CEBPZ: variants seen among roughly 807,000 people sequenced by gnomAD.
CEBPZ encodes the protein CCAAT enhancer binding protein zeta, also known as CCAAT/enhancer-binding protein zeta.
CEBPZ carries 78 observed loss-of-function variants against 104.5 expected under a neutral mutation model. That is an observed-to-expected ratio of 0.75 (90% CI 0.62 to 0.90). CEBPZ has a LOEUF of 0.90. CEBPZ is among the 40% of genes least tolerant of loss of function. CEBPZ has a pLI of 0.00. For missense variants in CEBPZ, 1,439 were observed against 1,233.5 expected (o/e 1.17, Z -2.50); for synonymous variants, 470 against 427.0 (o/e 1.10, Z -1.24).
At position 37,222,427 on chromosome 2, in the gene CEBPZ, G is replaced by T. The variant is rs267599369; in HGVS notation, c.2018C>A (p.Thr673Asn). Residue 673 changes from threonine (T) to asparagine (N), a missense_variant, in exon 4 of 16, where the codon ACC (threonine) becomes AAC (asparagine). Transcript: ENST00000234170. ...EETVPETDVE[T>N]KKPEVASWVH... is the part of the protein sequence containing the mutation. The stretch of plus-strand genomic sequence containing the variant: ...CCAGGAAGCAACCTCTGGTTTTTTG[G>T]TTTCTACATCAGTTTCAGGAACTGT... 11 of 1,597,618 alleles carry T rather than the reference G, an allele frequency of 6.9e-6. No individual in the cohort carries two copies. Among genetic ancestry groups the T allele is most frequent in the Non-Finnish European group, 9.4e-6 (11 of 1,174,732 alleles).
chr2:37,212,133 CAGA>C (rs2148349017), intron 11 of CEBPZ, 94 bp from the exon 12 acceptor site: 32 of 1,164,422 alleles, frequency 2.7e-5, no homozygotes, highest in East Asian at 4.7e-5. Flanking sequence ...TTAAATGACT[CAGA>C]AGGAGAAAGC....
intron 10 of CEBPZ, among the ~76,000 whole-genome samples, chr2:37,213,087 T>A (rs1677779215): frequency 6.6e-6 from 1 of 151,892 alleles, no homozygotes; most frequent in South Asian, 2.1e-4. Context: ...AACAAAAAAA[T>A]ATGTAACGTG....
At chr2:37,210,808 T>C in intron 13 of CEBPZ, 191 bp downstream of exon 13, 1 of 483,282 alleles carries the variant, frequency 2.1e-6, no homozygotes, top group Non-Finnish European at 3.7e-6. Context: ...GAAAAGATGA[T>C]CCAGAGATAT....
chr2:37,220,352 A>G (rs779183993), intron 5 of CEBPZ, 33 bp downstream of exon 5: 2 of 1,022,948 alleles, frequency 2.0e-6, no homozygotes, highest in South Asian at 3.2e-5. Context: ...TATATAGCAT[A>G]AATGAATAAA....
At chr2:37,214,598 A>C (rs1221420002) in intron 9 of CEBPZ, among the ~76,000 whole-genome samples, 1 of 152,144 alleles carries the variant, frequency 6.6e-6, no homozygotes, top group Non-Finnish European at 1.5e-5. Flanking sequence ...AAACTCCCAA[A>C]TTTACTTTAG....
At chr2:37,220,739 A>T (rs1183142491) in intron 4 of CEBPZ, among the ~76,000 whole-genome samples, 1 of 152,088 alleles carries the variant, frequency 6.6e-6, no homozygotes, top group Non-Finnish European at 1.5e-5. Flanking sequence ...ACCTGTAATC[A>T]CAGCACTTAG....
intron 13 of CEBPZ, among the ~76,000 whole-genome samples, chr2:37,208,689 C>T (rs1462688700): frequency 1.3e-5 from 2 of 152,096 alleles, no homozygotes; most frequent in Admixed American, 6.5e-5. Flanking sequence ...CAACATTATA[C>T]TGAACAGGGA....
chr2:37,203,226 C>A (rs1677366812), intron 13 of CEBPZ: 1 of 329,862 alleles, frequency 3.0e-6, no homozygotes. Flanking sequence ...GTTCAGATGA[C>A]AAGAGTGTCT....
intron 5 of CEBPZ, 140 bp from the exon 6 acceptor site, chr2:37,217,177 T>G: frequency 1.6e-6 from 1 of 644,674 alleles, no homozygotes; most frequent in Non-Finnish European, 2.7e-6. Flanking sequence ...GCAGGCAGAT[T>G]GCTTGAGCCC....
At chr2:37,231,356 G>GC (rs1665090380) in intron 1 of CEBPZ, 56 bp downstream of exon 1, 1 of 1,607,216 alleles carries the variant, frequency 6.2e-7, no homozygotes, top group Non-Finnish European at 8.5e-7. Flanking sequence ...AGTCAGCCTA[G>GC]CCACCTTCGG....
chr2:37,201,673 G>T lies in CEBPZ; in HGVS notation c.*91C>A. 3 of 807,380 alleles carry T rather than the reference G, an allele frequency of 3.7e-6. No homozygotes were observed. The highest frequency in any genetic ancestry group is 6.4e-6 in the Non-Finnish European group (3 of 467,726). The allele number at this position is 807,380 out of a possible 1,614,324, so 50.0% of individuals were successfully genotyped here. A position where few individuals can be genotyped will look rare whatever the true frequency, so the allele number is the denominator to read the frequency against. On this transcript the variant is annotated 3_prime_UTR_variant, in exon 16 of 16. Coordinates refer to ENST00000234170, the MANE Select transcript of CEBPZ (RefSeq NM_005760.3). ...ACAAATCCACTGAGAAGTCTGGAAT[G>T]TATGGAATCAGAGAGCTAGATCAAA...
Position 37,227,738 on chromosome 2 carries a change from G to A in CEBPZ, c.1455C>T (p.Ala485=), listed in dbSNP as rs766442127. ...KKDVESKMLS[A]LLTGVNRAYP... ...ATGCCCTATTCACACCTGTTAAAAGGGCGCTAAGCATTTTTGATTCAACAT... is the reference window on the plus strand; with the variant it reads ...ATGCCCTATTCACACCTGTTAAAAGAGCGCTAAGCATTTTTGATTCAACAT... Residue 485 remains alanine (A), a synonymous_variant, in exon 2 of 16, where the codon GCC becomes GCT. Transcript: ENST00000234170. 1.9e-6 allele frequency: 3 copies of A among 1,613,876 alleles called. No homozygotes were observed. The highest frequency in any genetic ancestry group is 2.2e-5 in the South Asian group (2 of 91,030).
rs1677341330 is a variant in CEBPZ, at chr2:37,202,840, A to G, written c.2969T>C (p.Met990Thr). The G allele has an allele frequency of 1.9e-6, 3 of 1,602,550 alleles. No individual in the cohort carries two copies. The highest frequency in any genetic ancestry group is 1.7e-5 in the Admixed American group (1 of 58,384). Residue 990 changes from methionine (M) to threonine (T), a missense_variant, in exon 15 of 16, where the codon ATG becomes ACG. Coordinates refer to ENST00000234170, the MANE Select transcript of CEBPZ (RefSeq NM_005760.3). ...GCCAATGTTATCAAACTTGGATCCC[A>G]TATTTTCATCCAATAGATGGCCAAA... is the stretch of plus-strand genomic sequence containing the variant. Reference protein sequence around the residue: ...EEFGHLLDENMGSKFDNIGMN... With the variant: ...EEFGHLLDENTGSKFDNIGMN...
chr2:37,230,658 G>A (rs1665045158), intron 1 of CEBPZ, among the ~76,000 whole-genome samples: 1 of 152,126 alleles, frequency 6.6e-6, no homozygotes, highest in Non-Finnish European at 1.5e-5. Context: ...GCAAAAGCCT[G>A]CCCTCTGACC....
chr2:37,202,838 C>T lies in CEBPZ; in HGVS notation c.2971G>A (p.Gly991Arg). Residue 991 changes from glycine to arginine, a missense_variant, in exon 15 of 16, where the codon GGA becomes AGA. By Grantham distance (125) the Gly-to-Arg change is moderately radical. Coordinates refer to ENST00000234170, the MANE Select transcript of CEBPZ (RefSeq NM_005760.3). ...EFGHLLDENM[G>R]SKFDNIGMNA... The stretch of plus-strand genomic sequence containing the variant: ...ATGCCAATGTTATCAAACTTGGATC[C>T]CATATTTTCATCCAATAGATGGCCA... 6.2e-7 allele frequency: 1 copy of T among 1,600,918 alleles called. No homozygotes were observed. The highest frequency in any genetic ancestry group is 8.5e-7 in the Non-Finnish European group (1 of 1,174,114).
chr2:37,208,493 C>A (rs148602593), intron 13 of CEBPZ, among the ~76,000 whole-genome samples: 1 of 152,018 alleles, frequency 6.6e-6, no homozygotes, highest in South Asian at 2.1e-4. Context: ...GTTTAACATA[C>A]GCAAGTCAAT....
Position 37,227,592 on chromosome 2 carries a change from A to G in CEBPZ, c.1601T>C (p.Met534Thr), listed in dbSNP as rs2148363077. The G allele has an allele frequency of 1.2e-6, 2 of 1,613,906 alleles. No homozygotes were observed. Among genetic ancestry groups the G allele is most frequent in the East Asian group, 2.2e-5 (1 of 44,878 alleles). The change falls in exon 2 of 16, where the codon ATG becomes ACG. Residue 534 changes from methionine to threonine, a missense_variant. Transcript: ENST00000234170. The stretch of plus-strand genomic sequence containing the variant: ...ATCCGATATTGTCTGCTGAGAATTC[A>G]TTACTTGGAAAAGCAACATTAAAGC... ...VQALMLLFQV[M>T]NSQQTISDRY...
intron 10 of CEBPZ, 79 bp downstream of exon 10, chr2:37,213,785 C>G: frequency 1.1e-6 from 1 of 902,236 alleles, no homozygotes; most frequent in South Asian, 1.5e-5. Flanking sequence ...AAACTAAGGC[C>G]ACTTCTCCCA....
At chr2:37,204,497 TG>T (rs67245597) in intron 13 of CEBPZ, 52,549 of 151,564 alleles carry the variant, frequency 0.35, 9,432 homozygotes, top group Non-Finnish European at 0.39. Context: ...AGGATGGTCT[TG>T]ATCTCTTGAC....
Sources: allele counts gnomAD v4.1 joint callset (sites outside exome capture counted in the v4.1 genomes callset), GRCh38; gene constraint gnomAD v4.1.1; transcripts MANE v1.5; gene names NCBI Gene and HGNC (gene_info 2026-07-23, HGNC 2026-07-21).